NOTCH3: variants seen among roughly 807,000 people sequenced by gnomAD.
The protein encoded by NOTCH3 is notch receptor 3.
Under a neutral mutation model 213.3 loss-of-function variants are expected in NOTCH3, and 86 were observed. The ratio of observed to expected loss-of-function variants is 0.40; its 90% CI spans 0.34 to 0.48. NOTCH3 has a LOEUF of 0.48. NOTCH3 is among the 20% of genes least tolerant of loss of function. NOTCH3 has a pLI of 0.57. For synonymous variants in NOTCH3, 1,354 were observed against 1,355.9 expected, an observed-to-expected ratio of 1.00 and a Z score of 0.03; for missense variants, 2,783 against 3,272.6, an observed-to-expected ratio of 0.85 and a Z score of 3.65.
chr19:15,187,010 T>C lies in NOTCH3; in HGVS notation c.1841-22A>G, dbSNP rs201599261. On this transcript the variant is annotated intron_variant, in intron 11 of 32. Transcript: ENST00000263388. ...ACACCTAGGGGCCAGGAACATGGCA[T>C]GGAGTGGCCACCACTGTGCCCCACT... 5.4e-5 allele frequency: 87 copies of C among 1,611,520 alleles called. No homozygotes were observed. The African/African-American group carries it at 1.1e-3, about 21-fold the overall frequency.
chr19:15,160,718 G>A lies in NOTCH3; in HGVS notation c.6910C>T (p.Gln2304Ter). 1.2e-6 allele frequency: 2 copies of A among 1,614,224 alleles called. No homozygotes were observed. ...TCCGGCTGGGGCCCCAGCTGGGTCT[G>A]GGCCTGAGCAAGGGAGCTGGGAACA... ...LSVPSSLAQA[Q>*]TQLGPQPEVT... The change falls in exon 33 of 33, where the codon CAG (glutamine) becomes TAG (stop). Residue 2304 changes from glutamine to a stop codon, truncating the protein, a stop_gained. Transcript: ENST00000263388. LOFTEE classifies it high-confidence loss of function.
Position 15,181,614 on chromosome 19 carries a change from G to A in NOTCH3, c.2754C>T (p.Gly918=). The A allele has an allele frequency of 1.3e-6, 2 of 1,550,792 alleles. No homozygotes were observed. Among genetic ancestry groups the A allele is most frequent in the Non-Finnish European group, 8.7e-7 (1 of 1,146,854 alleles). Residue 918 remains glycine, a synonymous_variant, in exon 17 of 33, where the codon GGC becomes GGT. Coordinates refer to ENST00000263388, the MANE Select transcript of NOTCH3 (RefSeq NM_000435.3). ...CGGGCAGGTCCTGTTCGCAGTGGAA[G>A]CCTCCGTAGCCTGGCGGGCAGGTGC... ...FTCTCPPGYG[G]FHCEQDLPDC...
At position 15,200,773 on chromosome 19, in the gene NOTCH3, G is replaced by A; in HGVS notation, c.118+15C>T. 1 of 1,291,496 alleles carries A rather than the reference G, an allele frequency of 7.7e-7. No homozygotes were observed. Among genetic ancestry groups the A allele is most frequent in the Middle Eastern group, 2.9e-4 (1 of 3,462 alleles). 80.0% of individuals were successfully genotyped at this position (1,291,496 alleles called of 1,614,324 possible). A position where few individuals can be genotyped will look rare whatever the true frequency, so the allele number is the denominator to read the frequency against. On this transcript the variant is annotated intron_variant, in intron 1 of 32. Coordinates refer to ENST00000263388, the MANE Select transcript of NOTCH3 (RefSeq NM_000435.3). ...CTGCCGCCCTCGTCCCATCCGCCAGGTCCCGGCCCCTCACCTGCAGCCCCC... is the reference window on the plus strand; with the variant it reads ...CTGCCGCCCTCGTCCCATCCGCCAGATCCCGGCCCCTCACCTGCAGCCCCC...
chr19:15,187,182 C>A lies in NOTCH3; in HGVS notation c.1763G>T (p.Ser588Ile). The A allele has an allele frequency of 6.2e-7, 1 of 1,614,064 alleles. No individual in the cohort carries two copies. The highest frequency in any genetic ancestry group is 8.5e-7 in the Non-Finnish European group (1 of 1,180,008). ...TTTGCCGCCATGGCGGCAGGGCTGG[C>A]TGCGGCATTCGTCCACCTGGCTCTC... ...RCESQVDECR[S>I]QPCRHGGKCL... The change falls in exon 11 of 33, where the codon AGC (serine) becomes ATC (isoleucine). Residue 588 changes from serine to isoleucine, a missense_variant. This residue lies in a region of NOTCH3 where 708 missense variants were observed against 906.6 expected (regional missense o/e 0.78). Transcript: ENST00000263388.
At chr19:15,176,010 G>A (rs2046787114) in intron 24 of NOTCH3, among the ~76,000 whole-genome samples, 1 of 151,820 alleles carries the variant, frequency 6.6e-6, no homozygotes, top group Non-Finnish European at 1.5e-5. Flanking sequence ...CAGACAGAGA[G>A]AGGGGCAGAA....
intron 27 of NOTCH3, 58 bp downstream of exon 27, chr19:15,170,262 AGGTCAAGGCGG>A: frequency 6.5e-7 from 1 of 1,533,196 alleles, no homozygotes; most frequent in Non-Finnish European, 9.0e-7. Flanking sequence ...GGTCTGAGTC[AGGTCAAGGCGG>A]GGTCCAGGGT....
At position 15,187,993 on chromosome 19, in the gene NOTCH3, G is replaced by A. The variant is rs142762020; in HGVS notation, c.1494C>T (p.Gly498=). ...VNGFSCTCPS[G]FSGSTCQLDV... is the part of the protein sequence containing the mutation. ...CCAGCTGACACGTGGAGCCGCTGAAGCCTGGGGTGGGGAGTGGGATGAGCA... is the reference window on the plus strand; with the variant it reads ...CCAGCTGACACGTGGAGCCGCTGAAACCTGGGGTGGGGAGTGGGATGAGCA... Residue 498 remains glycine, a splice_region_variant and synonymous_variant, in exon 10 of 33, where the codon GGC becomes GGT. Coordinates refer to ENST00000263388, the MANE Select transcript of NOTCH3 (RefSeq NM_000435.3). The A allele has an allele frequency of 9.3e-5, 144 of 1,550,652 alleles. 1 individual carries two copies. The highest frequency in any genetic ancestry group is 1.2e-4 in the Non-Finnish European group (138 of 1,146,538).
In NOTCH3 at chr19:15,185,632, C is replaced by T. The variant is rs376046941; in HGVS notation, c.1999G>A (p.Gly667Ser). 18 of 1,613,464 alleles carry T rather than the reference C, an allele frequency of 1.1e-5. No individual in the cohort carries two copies. The highest frequency in any genetic ancestry group is 1.6e-4 in the Middle Eastern group (1 of 6,084). Residue 667 changes from glycine (G) to serine (S), a missense_variant, in exon 13 of 33, where the codon GGC becomes AGC. Physicochemically the swap from Gly to Ser is moderately conservative, Grantham distance 56. Transcript: ENST00000263388. The surrounding 1 kb of genome is among the most constrained non-coding windows in gnomAD (Gnocchi z 4.2). ...EINECASSPC[G>S]EGGSCVDGEN... is the part of the protein sequence containing the mutation. Reference sequence around the variant, plus strand: ...CCATCCACACAGGAACCTCCCTCGCCGCATGGGCTGGAAGCACACTCATTG... The same window carrying T: ...CCATCCACACAGGAACCTCCCTCGCTGCATGGGCTGGAAGCACACTCATTG...
chr19:15,176,926 G>C (rs1471364426), intron 24 of NOTCH3, among the ~76,000 whole-genome samples: 1 of 150,418 alleles, frequency 6.6e-6, no homozygotes, highest in South Asian at 2.1e-4. Flanking sequence ...CAAAAAAAAA[G>C]CCAGGCGTGG....
At chr19:15,191,060 G>A (rs1367956796) in intron 6 of NOTCH3, among the ~76,000 whole-genome samples, 1 of 143,544 alleles carries the variant, frequency 7.0e-6, no homozygotes, top group Admixed American at 7.1e-5. Flanking sequence ...TTGAGAAGGA[G>A]TCTCACTCTG....
At position 15,180,702 on chromosome 19, in the gene NOTCH3, T is replaced by C. The variant is rs1283709491; in HGVS notation, c.3121A>G (p.Arg1041Gly). Residue 1041 changes from arginine (R) to glycine (G), a missense_variant, in exon 19 of 33, where the codon AGG (arginine) becomes GGG (glycine). Around this residue, in one of 6 missense-constraint regions of NOTCH3, gnomAD observed 861 missense variants for 909.1 expected, o/e 0.95. Coordinates refer to ENST00000263388, the MANE Select transcript of NOTCH3 (RefSeq NM_000435.3). ...TCACCGATCTGGGCTGCGGCCTCCCTGCAGGGCAAGCTTCGGATGTCACAG... is the reference window on the plus strand; with the variant it reads ...TCACCGATCTGGGCTGCGGCCTCCCCGCAGGGCAAGCTTCGGATGTCACAG... ...RLCDIRSLPCREAAAQIGVRL... is the reference protein window; with the variant it reads ...RLCDIRSLPCGEAAAQIGVRL... 2.6e-6 allele frequency: 4 copies of C among 1,560,666 alleles called. No homozygotes were observed. Among genetic ancestry groups the C allele is most frequent in the Non-Finnish European group, 3.5e-6 (4 of 1,153,634 alleles).
chr19:15,168,840 T>A (rs1054948992), intron 28 of NOTCH3, among the ~76,000 whole-genome samples: 14 of 151,960 alleles, frequency 9.2e-5, no homozygotes, highest in African/African-American at 3.4e-4. Context: ...TCTCAAAAAA[T>A]AAATAAATAA....
chr19:15,191,319 C>T (rs1214380450), intron 6 of NOTCH3, 105 bp downstream of exon 6: 8 of 1,039,344 alleles, frequency 7.7e-6, no homozygotes, highest in Non-Finnish European at 1.2e-5. Flanking sequence ...AGGCATGAGC[C>T]ACTGTGCCCA....
rs1182890778 is a variant in NOTCH3, at chr19:15,182,846, T to C, written c.2567-1045A>G. 2.6e-5 allele frequency among the ~76,000 whole-genome samples: 4 copies of C among 152,292 alleles called. No individual in the cohort carries two copies. The South Asian group carries it at 6.2e-4, about 24-fold the overall frequency. ...TAGTAGAGACGGGGCTTCTCCATGT[T>C]GGTCAGGCTGGTCTCAAACTTCTGA... On this transcript the variant is annotated intron_variant, in intron 16 of 32. Transcript: ENST00000263388.
intron 28 of NOTCH3, among the ~76,000 whole-genome samples, chr19:15,168,665 C>T (rs149701355): frequency 0.019 from 2,872 of 152,084 alleles, 32 homozygotes; most frequent in Middle Eastern, 0.041. Context: ...GAAACCCCAT[C>T]TCTACTAAAA....
chr19:15,200,247 C>T (rs927950007), intron 1 of NOTCH3, among the ~76,000 whole-genome samples: 5 of 151,594 alleles, frequency 3.3e-5, no homozygotes, highest in African/African-American at 1.2e-4. Flanking sequence ...GCCGAGGCTC[C>T]GGCTCGGAAT....
rs761458500 is a variant in NOTCH3 at position 15,160,613 on chromosome 19, A to G, written c.*49T>C. 1 of 1,352,540 alleles carries G rather than the reference A, an allele frequency of 7.4e-7. No homozygotes were observed. The highest frequency in any genetic ancestry group is 1.4e-5 in the African/African-American group (1 of 69,882). 83.8% of individuals were successfully genotyped at this position (1,352,540 alleles called of 1,614,324 possible). ...GAAGAGACAGAGAAAGAAAGGAGGCAGGACGGGGGTCTCTTTAGGCCCCCA... is the reference window on the plus strand; with the variant it reads ...GAAGAGACAGAGAAAGAAAGGAGGCGGGACGGGGGTCTCTTTAGGCCCCCA... On this transcript the variant is annotated 3_prime_UTR_variant, in exon 33 of 33. Transcript: ENST00000263388.
chr19:15,165,994 G>C lies in NOTCH3; in HGVS notation c.5460C>G (p.Ile1820Met), dbSNP rs114661066. ...CCCCCTGGCAGATCAGGTCGGAGATGATGCTAGCTGATGTGTCATCTGCCT... is the reference window on the plus strand; with the variant it reads ...CCCCCTGGCAGATCAGGTCGGAGATCATGCTAGCTGATGTGTCATCTGCCT... The part of the protein sequence containing the change: ...EDEADDTSAS[I>M]ISDLICQGAQ... Residue 1820 changes from isoleucine (I) to methionine (M), a missense_variant, in exon 30 of 33, where the codon ATC (isoleucine) becomes ATG (methionine). Around this residue, in one of 6 missense-constraint regions of NOTCH3, gnomAD observed 636 missense variants for 801.8 expected, o/e 0.79. Coordinates refer to ENST00000263388, the MANE Select transcript of NOTCH3 (RefSeq NM_000435.3). The surrounding 1 kb of genome is among the most constrained non-coding windows in gnomAD (Gnocchi z 4.7). 3.1e-6 allele frequency: 5 copies of C among 1,614,092 alleles called. No individual in the cohort carries two copies. In the African/African-American group the frequency reaches 5.3e-5, roughly 17 times the overall value.
Position 15,160,929 on chromosome 19 carries a change from G to A in NOTCH3, c.6699C>T (p.Ala2233=). ...GCTCACTGGGAACCCGCAGGAAGCGGGCCTTTGGGGGGCTGCTGTGTGCCC... is the reference window on the plus strand; with the variant it reads ...GCTCACTGGGAACCCGCAGGAAGCGAGCCTTTGGGGGGCTGCTGTGTGCCC... ...AAGAHSSPPK[A]RFLRVPSEHP... is the part of the protein sequence containing the mutation. Residue 2233 remains alanine, a synonymous_variant, in exon 33 of 33, where the codon GCC becomes GCT. Transcript: ENST00000263388. 1 of 1,601,824 alleles carries A rather than the reference G, an allele frequency of 6.2e-7. No homozygotes were observed. The highest frequency in any genetic ancestry group is 1.1e-5 in the South Asian group (1 of 90,288).
Sources: allele counts gnomAD v4.1 joint callset (sites outside exome capture counted in the v4.1 genomes callset), GRCh38; gene constraint gnomAD v4.1.1; regional missense constraint gnomAD v4.1.1; non-coding constraint Gnocchi (gnomAD v3.1); transcripts MANE v1.5; gene names NCBI Gene and HGNC (gene_info 2026-07-23, HGNC 2026-07-21).